CLCN1: variants seen among roughly 807,000 people sequenced by gnomAD.
CLCN1 encodes the protein chloride voltage-gated channel 1, also known as chloride channel protein 1.
Under a neutral mutation model 114.5 loss-of-function variants are expected in CLCN1, and 100 were observed. The ratio of observed to expected loss-of-function variants is 0.87; its 90% CI spans 0.74 to 1.03. The LOEUF is 1.03. Among genes scored for constraint, CLCN1 ranks in the 50% least tolerant of loss-of-function variants. CLCN1 has a pLI of 0.00. For missense variants in CLCN1, 1,188 were observed against 1,250.0 expected (o/e 0.95, Z 0.75); for synonymous variants, 485 against 487.1 (o/e 1.00, Z 0.06).
Position 143,331,595 on chromosome 7 carries a change from G to T in CLCN1, c.1109G>T (p.Arg370Leu). The change falls in exon 10 of 23, where the codon CGC becomes CTC. Residue 370 changes from arginine to leucine, a missense_variant. By Grantham distance (102) the Arg-to-Leu change is moderately radical (BLOSUM62 -2). Coordinates refer to ENST00000343257, the MANE Select transcript of CLCN1 (RefSeq NM_000083.3). ...LLGAVFVYLH[R>L]QVMLGVRKHK... ...GGAGCTGTATTTGTGTATCTGCATCGCCAAGTCATGCTCGGTGTCCGAAAG... is the reference window on the plus strand; with the variant it reads ...GGAGCTGTATTTGTGTATCTGCATCTCCAAGTCATGCTCGGTGTCCGAAAG... 6.2e-7 allele frequency: 1 copy of T among 1,614,054 alleles called. No individual in the cohort carries two copies. Among genetic ancestry groups the T allele is most frequent in the East Asian group, 2.2e-5 (1 of 44,880 alleles).
chr7:143,346,380 A>G (rs1173289319), intron 18 of CLCN1, 129 bp downstream of exon 18: 1 of 749,948 alleles, frequency 1.3e-6, no homozygotes, highest in Admixed American at 2.0e-5. Context: ...GGATTGAGGG[A>G]GGACAGGGTT....
rs558819057 is a variant in CLCN1, at chr7:143,350,799, C to G, written c.2595+145C>G. ...TTCTTTCTTTTTTTTTTTTTTGAGA[C>G]AGAGTTTCACTCTTGTCGCCCAGGC... On this transcript the variant is annotated intron_variant, in intron 22 of 22. Transcript: ENST00000343257. This position sits in a 1 kb window ranked among gnomAD's most constrained non-coding sequence, Gnocchi z 5.1. 120 of 650,768 alleles carry G rather than the reference C, an allele frequency of 1.8e-4. No homozygotes were observed. The East Asian group carries it at 3.2e-3, about 17-fold the overall frequency. 40.3% of individuals were successfully genotyped at this position (650,768 alleles called of 1,614,324 possible).
intron 1 of CLCN1, 33 bp downstream of exon 1, chr7:143,316,425 G>A (rs774171263): frequency 2.5e-6 from 4 of 1,587,880 alleles, no homozygotes; most frequent in East Asian, 4.5e-5. Flanking sequence ...GGGAGCCATG[G>A]ATGAGGGGAG....
chr7:143,336,231 G>C (rs1802884411), intron 12 of CLCN1, among the ~76,000 whole-genome samples: 1 of 151,614 alleles, frequency 6.6e-6, no homozygotes, highest in African/African-American at 2.4e-5. Flanking sequence ...TCTAATGAAG[G>C]GTCTAAATAT....
At chr7:143,327,387 G>A (rs1344500384) in intron 7 of CLCN1, among the ~76,000 whole-genome samples, 1 of 152,166 alleles carries the variant, frequency 6.6e-6, no homozygotes, top group Non-Finnish European at 1.5e-5. Context: ...TCACAGACCT[G>A]ACTTCGGGAA....
intron 10 of CLCN1, among the ~76,000 whole-genome samples, chr7:143,332,152 T>A (rs916075508): frequency 6.6e-6 from 1 of 152,052 alleles, no homozygotes; most frequent in African/African-American, 2.4e-5. Flanking sequence ...TTAGTAGAGA[T>A]GGGGTTTCAC....
Position 143,321,879 on chromosome 7 carries a change from G to C in CLCN1, c.696+31G>C, listed in dbSNP as rs1182974566. 10 of 1,611,064 alleles carry C rather than the reference G, an allele frequency of 6.2e-6. No individual in the cohort carries two copies. The Middle Eastern group carries it at 6.8e-4, about 110-fold the overall frequency. On this transcript the variant is annotated intron_variant, in intron 5 of 22. Transcript: ENST00000343257. This position sits in a 1 kb window ranked among gnomAD's most constrained non-coding sequence, Gnocchi z 4.2. ...CCTGGCATGACTGAAGCCAGAGCTG[G>C]GAGGGGCCCTCAGGAGCCAGGGTGG...
chr7:143,321,084 G>A lies in CLCN1; in HGVS notation c.434-281G>A, dbSNP rs760602732. Reference sequence around the variant, plus strand: ...TCCCAGTTTCAGCACTGAACATCCCGAATCCCAGGAAGCCCCTTGGTTCTG... The same window carrying A: ...TCCCAGTTTCAGCACTGAACATCCCAAATCCCAGGAAGCCCCTTGGTTCTG... On this transcript the variant is annotated intron_variant, in intron 3 of 22. Coordinates refer to ENST00000343257, the MANE Select transcript of CLCN1 (RefSeq NM_000083.3). This position sits in a 1 kb window ranked among gnomAD's most constrained non-coding sequence, Gnocchi z 4.2. 1.6e-4 allele frequency among the ~76,000 whole-genome samples: 24 copies of A among 152,230 alleles called. No homozygotes were observed. The highest frequency in any genetic ancestry group is 4.1e-4 in the African/African-American group (17 of 41,550).
Position 143,339,179 on chromosome 7 carries a change from G to C in CLCN1, c.1402-74G>C, listed in dbSNP as rs1803007101. The C allele has an allele frequency of 2.1e-6, 2 of 968,518 alleles. No individual in the cohort carries two copies. Among genetic ancestry groups the C allele is most frequent in the Non-Finnish European group, 3.4e-6 (2 of 591,152 alleles). The allele number at this position is 968,518 out of a possible 1,614,324, so 60.0% of individuals were successfully genotyped here. A position where few individuals can be genotyped will look rare whatever the true frequency, so the allele number is the denominator to read the frequency against. ...CAGGATTTCTGCAGAAAGGAGGATA[G>C]TGGGAAGGGAATTGTGTGTGCATGT... On this transcript the variant is annotated intron_variant, in intron 12 of 22. Transcript: ENST00000343257. The surrounding 1 kb of genome is among the most constrained non-coding windows in gnomAD (Gnocchi z 4.1).
rs1273524525 is a variant in CLCN1, at chr7:143,345,763, G to T, written c.2172+1G>T. 3 of 1,607,372 alleles carry T rather than the reference G, an allele frequency of 1.9e-6. No homozygotes were observed. The highest frequency in any genetic ancestry group is 2.5e-6 in the Non-Finnish European group (3 of 1,177,720). On this transcript the variant is annotated splice_donor_variant, in intron 17 of 22. Coordinates refer to ENST00000343257, the MANE Select transcript of CLCN1 (RefSeq NM_000083.3). LOFTEE classifies it high-confidence loss of function. The stretch of plus-strand genomic sequence containing the variant: ...CGAAGACCTCTCTGGCAAGAGCGAG[G>T]TGACCGCGCCGGGAAGGGCTAGGGA...
At chr7:143,316,700 G>A (rs1252606610) in intron 1 of CLCN1, among the ~76,000 whole-genome samples, 1 of 152,174 alleles carries the variant, frequency 6.6e-6, no homozygotes, top group Non-Finnish European at 1.5e-5. Context: ...TACGTGGAGT[G>A]GATTGCGTAG....
rs1190523559 is a variant in CLCN1, at chr7:143,339,180, T to C, written c.1402-73T>C. ...AGGATTTCTGCAGAAAGGAGGATAG[T>C]GGGAAGGGAATTGTGTGTGCATGTC... On this transcript the variant is annotated intron_variant, in intron 12 of 22. Coordinates refer to ENST00000343257, the MANE Select transcript of CLCN1 (RefSeq NM_000083.3). This position sits in a 1 kb window ranked among gnomAD's most constrained non-coding sequence, Gnocchi z 4.1. 2.1e-6 allele frequency: 2 copies of C among 971,792 alleles called. No individual in the cohort carries two copies. The highest frequency in any genetic ancestry group is 1.7e-5 in the Admixed American group (1 of 59,178). 60.2% of individuals were successfully genotyped at this position (971,792 alleles called of 1,614,324 possible).
chr7:143,339,115 G>T lies in CLCN1; in HGVS notation c.1402-138G>T. The T allele has an allele frequency of 1.3e-6, 1 of 762,594 alleles. No homozygotes were observed. Among genetic ancestry groups the T allele is most frequent in the Non-Finnish European group, 2.4e-6 (1 of 413,022 alleles). The allele number at this position is 762,594 out of a possible 1,614,324, so 47.2% of individuals were successfully genotyped here. A position where few individuals can be genotyped will look rare whatever the true frequency, so the allele number is the denominator to read the frequency against. The stretch of plus-strand genomic sequence containing the variant: ...CTATGGCTTTTGTTTCTGGAAGAAG[G>T]GTGACAGACAAAGTGACTTTCAGAA... On this transcript the variant is annotated intron_variant, in intron 12 of 22. Coordinates refer to ENST00000343257, the MANE Select transcript of CLCN1 (RefSeq NM_000083.3). This position sits in a 1 kb window ranked among gnomAD's most constrained non-coding sequence, Gnocchi z 4.1.
At chr7:143,340,643 C>T (rs1402747827) in intron 14 of CLCN1, among the ~76,000 whole-genome samples, 1 of 152,146 alleles carries the variant, frequency 6.6e-6, no homozygotes, top group African/African-American at 2.4e-5. Context: ...AGTGATTCTC[C>T]TGCCTCAGCC....
intron 12 of CLCN1, among the ~76,000 whole-genome samples, chr7:143,338,823 C>T (rs550002508): frequency 6.6e-6 from 1 of 150,744 alleles, no homozygotes; most frequent in Non-Finnish European, 1.5e-5. Context: ...AAAAAAAAAC[C>T]GGAGCGCCTT....
At chr7:143,346,089 G>C in intron 17 of CLCN1, 51 bp from the exon 18 acceptor site, 2 of 1,199,754 alleles carry the variant, frequency 1.7e-6, no homozygotes, top group Non-Finnish European at 2.5e-6. Context: ...AGGCAGTGAA[G>C]GCCCAGGCAG....
At chr7:143,329,575 G>T (rs1802668012) in intron 7 of CLCN1, among the ~76,000 whole-genome samples, 1 of 152,154 alleles carries the variant, frequency 6.6e-6, no homozygotes, top group Non-Finnish European at 1.5e-5. Context: ...GGTCCTGGGG[G>T]ATTCAAGAGA....
In CLCN1 at chr7:143,321,313, G is replaced by A. The variant is rs1802424781; in HGVS notation, c.434-52G>A. On this transcript the variant is annotated intron_variant, in intron 3 of 22. Transcript: ENST00000343257. The surrounding 1 kb of genome is among the most constrained non-coding windows in gnomAD (Gnocchi z 4.2). ...GCCGGGTACACGTCCTGGTGCCGTG[G>A]ACACGGCTGCTCAGCCATGTTCTGC... The A allele has an allele frequency of 1.2e-6, 2 of 1,608,584 alleles. No individual in the cohort carries two copies. Among genetic ancestry groups the A allele is most frequent in the Admixed American group, 1.7e-5 (1 of 59,486 alleles).
intron 7 of CLCN1, among the ~76,000 whole-genome samples, chr7:143,330,120 C>T (rs1055002270): frequency 3.3e-5 from 5 of 152,108 alleles, no homozygotes; most frequent in Admixed American, 6.6e-5. Flanking sequence ...TTTCCCCTTG[C>T]GTTGGTCCTT....
Sources: allele counts gnomAD v4.1 joint callset (sites outside exome capture counted in the v4.1 genomes callset), GRCh38; gene constraint gnomAD v4.1.1; non-coding constraint Gnocchi (gnomAD v3.1); transcripts MANE v1.5; gene names NCBI Gene and HGNC (gene_info 2026-07-23, HGNC 2026-07-21).